RIPOR2: variants seen among roughly 807,000 people sequenced by gnomAD.
RIPOR2 encodes the protein rho family-interacting cell polarization regulator 2.
RIPOR2 carries 39 observed loss-of-function variants against 114.5 expected under a neutral mutation model. That is an observed-to-expected ratio of 0.34 (90% CI 0.26 to 0.44). The LOEUF is 0.44. Ranked by LOEUF, RIPOR2 falls within the 20% of genes least tolerant of loss-of-function variation. RIPOR2 has a pLI of 1.00. For missense variants in RIPOR2, 1,007 were observed against 1,255.1 expected, an observed-to-expected ratio of 0.80 and a Z score of 2.99; for synonymous variants, 445 against 484.4, an observed-to-expected ratio of 0.92 and a Z score of 1.07.
At chr6:24,906,738 G>C (rs1165474935) in intron 1 of RIPOR2, among the ~76,000 whole-genome samples, 1 of 152,134 alleles carries the variant, frequency 6.6e-6, no homozygotes, top group East Asian at 1.9e-4. Flanking sequence ...CCAGGCTCAA[G>C]CGATCCTCCC....
intron 1 of RIPOR2, among the ~76,000 whole-genome samples, chr6:25,018,056 G>C (rs1357872405): frequency 6.6e-6 from 1 of 152,190 alleles, no homozygotes; most frequent in Non-Finnish European, 1.5e-5. Flanking sequence ...CCATAGCATT[G>C]AGCTTAAGTA....
Position 24,863,262 on chromosome 6 carries a change from T to A in RIPOR2, c.651+2039A>T, listed in dbSNP as rs1764261850. ...GCCGCTGCACCCGGCCATGAGGATA[T>A]AAAACCACCTGATACCAAATGAGGT... On this transcript the variant is annotated intron_variant, in intron 7 of 21. Coordinates refer to ENST00000643898, the MANE Select transcript of RIPOR2 (RefSeq NM_001286445.3). Among the ~76,000 whole-genome samples the A allele has an allele frequency of 2.0e-5, 3 of 152,128 alleles. No individual in the cohort carries two copies. In the South Asian group the frequency reaches 6.2e-4, roughly 32 times the overall value.
At chr6:24,919,756 G>C (rs1421446414) in intron 1 of RIPOR2, among the ~76,000 whole-genome samples, 2 of 152,150 alleles carry the variant, frequency 1.3e-5, no homozygotes, top group South Asian at 4.1e-4. Context: ...TCAGCTGTGG[G>C]GTTTGCATTC....
At chr6:24,933,313 G>A (rs528330681) in intron 1 of RIPOR2, among the ~76,000 whole-genome samples, 1 of 152,300 alleles carries the variant, frequency 6.6e-6, no homozygotes, top group South Asian at 2.1e-4. Context: ...ACAGCCATAT[G>A]AGGTTTGGAC....
chr6:25,016,903 T>C (rs1044472466), intron 1 of RIPOR2, among the ~76,000 whole-genome samples: 1 of 152,236 alleles, frequency 6.6e-6, no homozygotes, highest in African/African-American at 2.4e-5. Context: ...ATTCACATTC[T>C]GGGTGCTTCA....
chr6:25,017,235 T>A (rs1776053264), intron 1 of RIPOR2, among the ~76,000 whole-genome samples: 1 of 152,064 alleles, frequency 6.6e-6, no homozygotes, highest in Admixed American at 6.5e-5. Context: ...GGCACGAAAA[T>A]CACTTGAACC....
intron 13 of RIPOR2, among the ~76,000 whole-genome samples, chr6:24,842,543 G>A (rs575468515): frequency 1.2e-4 from 18 of 152,080 alleles, no homozygotes; most frequent in Non-Finnish European, 2.4e-4. Flanking sequence ...ATCCAGTAAC[G>A]CCTGTGAGAC....
At chr6:24,948,625 G>A (rs149348884) in intron 1 of RIPOR2, among the ~76,000 whole-genome samples, 4 of 151,450 alleles carry the variant, frequency 2.6e-5, no homozygotes, top group East Asian at 1.9e-4. Context: ...TCTGCCTCCC[G>A]GATTCAAGAG....
intron 1 of RIPOR2, among the ~76,000 whole-genome samples, chr6:24,880,687 A>T (rs573944055): frequency 1.4e-4 from 22 of 152,326 alleles, no homozygotes; most frequent in African/African-American, 5.3e-4. Context: ...GCAGAGGAGA[A>T]ATATGATTGC....
chr6:24,885,301 C>G (rs956630203), intron 1 of RIPOR2, among the ~76,000 whole-genome samples: 3 of 152,182 alleles, frequency 2.0e-5, no homozygotes, highest in African/African-American at 7.2e-5. Flanking sequence ...TAGCTCACTG[C>G]AGCCTCAATC....
intron 10 of RIPOR2, among the ~76,000 whole-genome samples, chr6:24,850,162 T>C (rs114441782): frequency 6.7e-6 from 1 of 150,356 alleles, no homozygotes; most frequent in East Asian, 2.0e-4. Flanking sequence ...AGTAGTGTGA[T>C]CATGGCTAAT....
At chr6:24,940,150 T>C (rs6904098), upstream of RIPOR2, among the ~76,000 whole-genome samples, 6,424 of 152,290 alleles carry the variant, frequency 0.042, 449 homozygotes, top group African/African-American at 0.14. Flanking sequence ...TTTTGAGTTA[T>C]GAGAATTGAG....
Position 24,894,802 on chromosome 6 carries a change from T to C in RIPOR2, c.62-18985A>G, listed in dbSNP as rs1200153222. On this transcript the variant is annotated intron_variant, in intron 1 of 21. Transcript: ENST00000643898. ...GAATAAATGGATAAATGGGTCATCT[T>C]TGCTATTCAGAGAGTAACATCCCAC... is the stretch of plus-strand genomic sequence containing the variant. Among the ~76,000 whole-genome samples, 5 of 152,322 alleles carry C rather than the reference T, an allele frequency of 3.3e-5. No homozygotes were observed. The East Asian group carries it at 7.7e-4, about 23-fold the overall frequency.
chr6:24,995,341 C>G (rs959003067), intron 1 of RIPOR2, among the ~76,000 whole-genome samples: 1 of 152,188 alleles, frequency 6.6e-6, no homozygotes, highest in Non-Finnish European at 1.5e-5. Flanking sequence ...TCCATCAGGA[C>G]AGAAGAGAAA....
In RIPOR2 at chr6:24,875,715, C is replaced by G. The variant is rs1359270392; in HGVS notation, c.164G>C (p.Ser55Thr). The G allele has an allele frequency of 6.2e-7, 1 of 1,613,508 alleles. No individual in the cohort carries two copies. Among genetic ancestry groups the G allele is most frequent in the South Asian group, 1.1e-5 (1 of 90,922 alleles). ...CCTGGATCGCCTTTCCTGGAGGCCG[C>G]TGAAACCCGCAAAGGACTGGCTTCT... ...IIRSQSFAGF[S>T]GLQERRSRCN... Residue 55 changes from serine to threonine, a missense_variant, in exon 2 of 22, where the codon AGC (serine) becomes ACC (threonine). Transcript: ENST00000643898.
At chr6:24,952,136 A>G (rs745447035) in intron 1 of RIPOR2, among the ~76,000 whole-genome samples, 6 of 152,216 alleles carry the variant, frequency 3.9e-5, no homozygotes, top group Non-Finnish European at 7.4e-5. Flanking sequence ...AGAACACAAC[A>G]TGAGAAACCC....
intron 1 of RIPOR2, among the ~76,000 whole-genome samples, chr6:24,901,484 T>A (rs1768435262): frequency 6.6e-6 from 1 of 152,172 alleles, no homozygotes; most frequent in Non-Finnish European, 1.5e-5. Context: ...CACGTGCCAT[T>A]TCTATCCTAT....
At chr6:25,030,625 T>C (rs1253121819) in intron 1 of RIPOR2, among the ~76,000 whole-genome samples, 1 of 152,246 alleles carries the variant, frequency 6.6e-6, no homozygotes, top group African/African-American at 2.4e-5. Context: ...GGCTACATAC[T>C]GTATGATTCT....
At chr6:24,849,778 T>C (rs764187311) in intron 11 of RIPOR2, 24 bp downstream of exon 11, 15 of 1,601,140 alleles carry the variant, frequency 9.4e-6, no homozygotes, top group Non-Finnish European at 1.3e-5. Context: ...TTCTATATGA[T>C]GAAATAAAGG....
Sources: gnomAD v4.1 joint callset for allele counts (sites outside exome capture counted in the v4.1 genomes callset) on GRCh38, gnomAD v4.1.1 for gene constraint, MANE v1.5 for transcripts, NCBI Gene and HGNC (gene_info 2026-07-23, HGNC 2026-07-21) for gene names.